The following KIAA1614 variants were observed in gnomAD, a reference collection of about 807,000 sequenced individuals.
KIAA1614 encodes the protein uncharacterized protein KIAA1614.
In KIAA1614, 76 loss-of-function variants were observed where a neutral mutation model predicts 88.7. That is an observed-to-expected ratio of 0.86 (90% CI 0.71 to 1.04). The LOEUF is 1.04. Ranked by LOEUF, KIAA1614 falls within the 50% of genes least tolerant of loss-of-function variation. The pLI, the probability that KIAA1614 is intolerant of heterozygous loss-of-function variation, is 0.00. For synonymous variants in KIAA1614, 714 were observed against 675.5 expected, an observed-to-expected ratio of 1.06 and a Z score of -0.88; for missense variants, 1,553 against 1,582.5, an observed-to-expected ratio of 0.98 and a Z score of 0.32.
rs188543796 is a variant in KIAA1614, at chr1:180,925,735, C to G, written c.1062-2695C>G. Reference sequence around the variant, plus strand: ...CTGCCCTTTGTCCTTGTGAACCAGTCGAGGACACAGGTGGCTGGAGGGGTG... The same window carrying G: ...CTGCCCTTTGTCCTTGTGAACCAGTGGAGGACACAGGTGGCTGGAGGGGTG... On this transcript the variant is annotated intron_variant, in intron 3 of 8. Transcript: ENST00000367588. Among the ~76,000 whole-genome samples, 178 of 152,282 alleles carry G rather than the reference C, an allele frequency of 1.2e-3. 2 individuals carry two copies. Among genetic ancestry groups the G allele is most frequent in the African/African-American group, 3.9e-3 (164 of 41,550 alleles).
At chr1:180,927,345 A>G (rs945594600) in intron 3 of KIAA1614, among the ~76,000 whole-genome samples, 2 of 152,204 alleles carry the variant, frequency 1.3e-5, no homozygotes, top group Non-Finnish European at 2.9e-5. Context: ...GCCCCCAGCC[A>G]CAAACATCCT....
chr1:180,945,175 C>T (rs1571303564), intron 8 of KIAA1614, 128 bp from the exon 9 acceptor site: 1 of 1,176,278 alleles, frequency 8.5e-7, no homozygotes, highest in Non-Finnish European at 1.1e-6. Context: ...TGGCTGAAGT[C>T]AGCAGAACCC....
Position 180,916,921 on chromosome 1 carries a change from G to T in KIAA1614, c.818G>T (p.Gly273Val), listed in dbSNP as rs750750860. The T allele has an allele frequency of 6.2e-7, 1 of 1,614,252 alleles. No homozygotes were observed. Among genetic ancestry groups the T allele is most frequent in the Non-Finnish European group, 8.5e-7 (1 of 1,180,052 alleles). Residue 273 changes from glycine to valine, a missense_variant, in exon 2 of 9, where the codon GGT becomes GTT. By Grantham distance (109) the Gly-to-Val change is moderately radical. Transcript: ENST00000367588. ...TTTGTCCCCAGGACGGCCCTGCTGG[G>T]TGAGCGCTGGAGAGCTGGAGACCTG... ...EVFVPRTALL[G>V]ERWRAGDLEA...
intron 1 of KIAA1614, 84 bp from the exon 2 acceptor site, chr1:180,916,070 C>A: frequency 1.0e-6 from 1 of 976,238 alleles, no homozygotes; most frequent in Non-Finnish European, 1.5e-6. Flanking sequence ...CAGGACTCAA[C>A]GCCAAGACAC....
intron 3 of KIAA1614, among the ~76,000 whole-genome samples, chr1:180,924,624 A>G (rs1048127683): frequency 3.3e-5 from 5 of 152,094 alleles, no homozygotes; most frequent in Admixed American, 6.5e-5. Context: ...GCTTTCCTCC[A>G]TGACCAATTG....
rs1432246713 is a variant in KIAA1614 at position 180,913,068 on chromosome 1, G to A, written c.-176G>A. The A allele has an allele frequency of 7.2e-5, 26 of 359,246 alleles. No homozygotes were observed. In the East Asian group the frequency reaches 1.1e-3, roughly 15 times the overall value. 22.3% of individuals were successfully genotyped at this position (359,246 alleles called of 1,614,324 possible). A position where few individuals can be genotyped will look rare whatever the true frequency, so the allele number is the denominator to read the frequency against. ...GGGCCCGGGGGCTGCCAGCAGAGCC[G>A]GGAGCTGGCCCGGCCTCGGCGCCGT... is the stretch of plus-strand genomic sequence containing the variant. On this transcript the variant is annotated 5_prime_UTR_variant, in exon 1 of 9. Transcript: ENST00000367588.
Position 180,945,346 on chromosome 1 carries a change from G to A in KIAA1614, c.3331G>A (p.Val1111Met), listed in dbSNP as rs187093177. The change falls in exon 9 of 9, where the codon GTG becomes ATG. Residue 1111 changes from valine (V) to methionine (M), a missense_variant. Val to Met is a conservative substitution (Grantham distance 21, BLOSUM62 1). Coordinates refer to ENST00000367588, the MANE Select transcript of KIAA1614 (RefSeq NM_020950.2). ...SPRRALSVED[V>M]GAPSLARTVG... is the part of the protein sequence containing the mutation. ...ACGGCGTGCCCTCAGTGTGGAGGAC[G>A]TGGGTGCTCCCAGCCTGGCTCGCAC... The A allele has an allele frequency of 9.5e-5, 152 of 1,595,982 alleles. No homozygotes were observed. Among genetic ancestry groups the A allele is most frequent in the Middle Eastern group, 3.9e-4 (2 of 5,086 alleles).
Position 180,944,403 on chromosome 1 carries a change from C to G in KIAA1614, c.3174C>G (p.His1058Gln), listed in dbSNP as rs1654536750. 6.2e-7 allele frequency: 1 copy of G among 1,613,614 alleles called. No individual in the cohort carries two copies. The highest frequency in any genetic ancestry group is 1.7e-5 in the Admixed American group (1 of 60,000). Residue 1058 changes from histidine to glutamine, a missense_variant, in exon 8 of 9, where the codon CAC (histidine) becomes CAG (glutamine). His to Gln is a conservative substitution (Grantham distance 24). Coordinates refer to ENST00000367588, the MANE Select transcript of KIAA1614 (RefSeq NM_020950.2). ...LQSLHPVSPS[H>Q]QRRKAASFQN... ...TTTCTCATCAGGTGTCACCCTCTCA[C>G]CAGCGTCGGAAAGCTGCCTCTTTTC... is the stretch of plus-strand genomic sequence containing the variant.
intron 4 of KIAA1614, among the ~76,000 whole-genome samples, chr1:180,934,321 G>A (rs1654267911): frequency 6.6e-6 from 1 of 151,800 alleles, no homozygotes; most frequent in Admixed American, 6.6e-5. Context: ...GGGCGCAGTG[G>A]TGCACACCTG....
At chr1:180,941,386 C>T in intron 7 of KIAA1614, 101 bp downstream of exon 7, 2 of 1,400,294 alleles carry the variant, frequency 1.4e-6, no homozygotes, top group East Asian at 2.4e-5. Context: ...GGATGCCTCC[C>T]AAGGAGCCCA....
rs751151294 is a variant in KIAA1614 at position 180,917,040 on chromosome 1, C to A, written c.937C>A (p.Gln313Lys). ...LLQEMLNVSG[Q>K]SPRKVGTPAW... ...GCAGGAGATGCTCAACGTTTCTGGG[C>A]AGAGCCCCCGCAAGGTGGGAACCCC... is the stretch of plus-strand genomic sequence containing the variant. Residue 313 changes from glutamine to lysine, a missense_variant, in exon 2 of 9, where the codon CAG becomes AAG. By Grantham distance (53) the Gln-to-Lys change is moderately conservative. Coordinates refer to ENST00000367588, the MANE Select transcript of KIAA1614 (RefSeq NM_020950.2). The A allele has an allele frequency of 5.6e-6, 9 of 1,613,680 alleles. No homozygotes were observed. In the African/African-American group the frequency reaches 1.2e-4, roughly 22 times the overall value.
chr1:180,942,452 T>C (rs1654490058), intron 7 of KIAA1614, among the ~76,000 whole-genome samples: 1 of 152,170 alleles, frequency 6.6e-6, no homozygotes, highest in African/African-American at 2.4e-5. Context: ...GCTGGCGCCT[T>C]TCATTTCCCA....
rs762556849 is a variant in KIAA1614, at chr1:180,935,470, C to T, written c.1561C>T (p.Arg521Cys). ...TFHRLVGSLDRRGHPAPPAPG... is the reference protein window; with the variant it reads ...TFHRLVGSLDCRGHPAPPAPG... Reference sequence around the variant, plus strand: ...CCACAGGCTTGTGGGCAGCCTGGACCGCAGGGGACACCCGGCACCGCCGGC... The same window carrying T: ...CCACAGGCTTGTGGGCAGCCTGGACTGCAGGGGACACCCGGCACCGCCGGC... Residue 521 changes from arginine to cysteine, a missense_variant, in exon 5 of 9, where the codon CGC becomes TGC. Transcript: ENST00000367588. This position sits in a 1 kb window ranked among gnomAD's most constrained non-coding sequence, Gnocchi z 6.1. 17 of 1,475,870 alleles carry T rather than the reference C, an allele frequency of 1.2e-5. No homozygotes were observed. The African/African-American group carries it at 2.4e-4, about 21-fold the overall frequency. The allele number at this position is 1,475,870 out of a possible 1,614,324, so 91.4% of individuals were successfully genotyped here.
chr1:180,913,595 G>A (rs1653710900), intron 1 of KIAA1614, among the ~76,000 whole-genome samples: 1 of 152,184 alleles, frequency 6.6e-6, no homozygotes, highest in Admixed American at 6.5e-5. Context: ...GGTCTCTGGC[G>A]TGCTGTTCCA....
intron 3 of KIAA1614, among the ~76,000 whole-genome samples, chr1:180,922,741 G>C (rs1653983982): frequency 1.3e-5 from 2 of 152,214 alleles, no homozygotes; most frequent in African/African-American, 4.8e-5. Context: ...AGCGTGTGCA[G>C]ATGTTTCCCA....
chr1:180,922,076 C>G (rs541014772), intron 3 of KIAA1614, among the ~76,000 whole-genome samples: 2 of 152,238 alleles, frequency 1.3e-5, no homozygotes, highest in Admixed American at 6.5e-5. Context: ...GCGGCCAGCC[C>G]GAGGCCCTCG....
chr1:180,917,409 G>A (rs1653843779), intron 2 of KIAA1614, among the ~76,000 whole-genome samples: 1 of 151,990 alleles, frequency 6.6e-6, no homozygotes, highest in African/African-American at 2.4e-5. Flanking sequence ...TTCCGGAGTG[G>A]CTTTTTGCCT....
At position 180,935,370 on chromosome 1, in the gene KIAA1614, C is replaced by G; in HGVS notation, c.1461C>G (p.Pro487=). 6.8e-7 allele frequency: 1 copy of G among 1,464,574 alleles called. No homozygotes were observed. The allele number at this position is 1,464,574 out of a possible 1,614,324, so 90.7% of individuals were successfully genotyped here. A position where few individuals can be genotyped will look rare whatever the true frequency, so the allele number is the denominator to read the frequency against. ...STVLQAADQG[P]LRSKPDLADY... is the part of the protein sequence containing the mutation. Reference sequence around the variant, plus strand: ...TGTTGCAGGCCGCGGACCAGGGCCCCCTGCGCTCCAAGCCCGACCTCGCCG... The same window carrying G: ...TGTTGCAGGCCGCGGACCAGGGCCCGCTGCGCTCCAAGCCCGACCTCGCCG... The change falls in exon 5 of 9, where the codon CCC becomes CCG. Residue 487 remains proline, a synonymous_variant. Transcript: ENST00000367588. This position sits in a 1 kb window ranked among gnomAD's most constrained non-coding sequence, Gnocchi z 6.1.
chr1:180,917,914 G>A lies in KIAA1614; in HGVS notation c.1061G>A (p.Arg354Lys), dbSNP rs771777958. Reference sequence around the variant, plus strand: ...TCCTTGCAGGACTCCGGCCAGAACAGGTAAGAGCTCAGAGCCCACATTTTC... The same window carrying A: ...TCCTTGCAGGACTCCGGCCAGAACAAGTAAGAGCTCAGAGCCCACATTTTC... ...GTSLQDSGQN[R>K]TVGPNPEPVL... Residue 354 changes from arginine (R) to lysine (K), a missense_variant and splice_region_variant, in exon 3 of 9, where the codon AGG becomes AAG. Transcript: ENST00000367588. The A allele has an allele frequency of 8.7e-6, 14 of 1,613,310 alleles. No homozygotes were observed. Among genetic ancestry groups the A allele is most frequent in the Non-Finnish European group, 1.2e-5 (14 of 1,179,558 alleles).
Sources: gnomAD v4.1 joint callset for allele counts (sites outside exome capture counted in the v4.1 genomes callset) on GRCh38, gnomAD v4.1.1 for gene constraint, Gnocchi (gnomAD v3.1) non-coding constraint, MANE v1.5 for transcripts, NCBI Gene and HGNC (gene_info 2026-07-23, HGNC 2026-07-21) for gene names.